Variants in AGTPBP1 observed in about 807,000 individuals in gnomAD.
The protein encoded by AGTPBP1 is cytosolic carboxypeptidase 1.
A neutral mutation model predicts 143.9 loss-of-function variants in AGTPBP1; 70 were observed. The observed-to-expected ratio is 0.49, with a 90% CI of 0.40 to 0.59. AGTPBP1 has a LOEUF of 0.59. Ranked by LOEUF, AGTPBP1 falls within the 20% of genes least tolerant of loss-of-function variation. The pLI is 0.00. For missense variants in AGTPBP1, 1,229 were observed against 1,464.5 expected, an observed-to-expected ratio of 0.84 and a Z score of 2.62; for synonymous variants, 463 against 500.2, an observed-to-expected ratio of 0.93 and a Z score of 0.99.
At chr9:85,618,351 A>G (rs1830715005) in intron 17 of AGTPBP1, among the ~76,000 whole-genome samples, 1 of 152,198 alleles carries the variant, frequency 6.6e-6, no homozygotes, top group Non-Finnish European at 1.5e-5. Flanking sequence ...CCAATGCTAC[A>G]CAAGTGCTTC....
At position 85,733,813 on chromosome 9, in the gene AGTPBP1, G is replaced by A. The variant is rs113439414; in HGVS notation, c.-34+7962C>T. 3.9e-4 allele frequency among the ~76,000 whole-genome samples: 60 copies of A among 152,156 alleles called. 1 individual carries two copies. Among genetic ancestry groups the A allele is most frequent in the African/African-American group, 1.3e-3 (53 of 41,452 alleles). ...CAAAACCAAAAAGGATTATAACAGA[G>A]TACTGTGAACAACAGTACACCAACA... On this transcript the variant is annotated intron_variant, in intron 1 of 25. Transcript: ENST00000357081.
At chr9:85,578,818 A>G in intron 24 of AGTPBP1, 102 bp downstream of exon 24, 1 of 1,206,632 alleles carries the variant, frequency 8.3e-7, no homozygotes, top group Non-Finnish European at 1.2e-6. Flanking sequence ...ATGTAACTCA[A>G]TAAAACAAAC....
intron 25 of AGTPBP1, among the ~76,000 whole-genome samples, chr9:85,556,370 G>A (rs892314834): frequency 1.3e-5 from 2 of 151,934 alleles, no homozygotes; most frequent in Non-Finnish European, 2.9e-5. Flanking sequence ...CTTATAGAGA[G>A]ACAAAATTGG....
intron 13 of AGTPBP1, among the ~76,000 whole-genome samples, chr9:85,639,468 A>G (rs1478303181): frequency 6.6e-6 from 1 of 152,120 alleles, no homozygotes; most frequent in Non-Finnish European, 1.5e-5. Context: ...AAGAAAATAA[A>G]AAAGAATGAA....
chr9:85,703,956 T>C (rs188319418), intron 2 of AGTPBP1, among the ~76,000 whole-genome samples: 196 of 152,204 alleles, frequency 1.3e-3, no homozygotes, highest in African/African-American at 4.5e-3. Flanking sequence ...AAGTTTCAAA[T>C]AGGAGGGACA....
At chr9:85,659,304 G>A (rs532875653) in intron 9 of AGTPBP1, among the ~76,000 whole-genome samples, 1 of 152,128 alleles carries the variant, frequency 6.6e-6, no homozygotes, top group South Asian at 2.1e-4. Flanking sequence ...TCCTTTTAAA[G>A]AAAATGATTG....
At chr9:85,617,416 A>G (rs1830657565) in intron 17 of AGTPBP1, among the ~76,000 whole-genome samples, 1 of 152,300 alleles carries the variant, frequency 6.6e-6, no homozygotes, top group African/African-American at 2.4e-5. Flanking sequence ...GATTGCCATT[A>G]TAACATTAAT....
chr9:85,792,466 T>C, the AGTPBP1 span, among the ~76,000 whole-genome samples: 1 of 152,218 alleles, frequency 6.6e-6, no homozygotes, highest in Non-Finnish European at 1.5e-5. Context: ...TCTGAATTGT[T>C]CCATTCAAGG....
the AGTPBP1 span, among the ~76,000 whole-genome samples, chr9:85,794,375 C>T: frequency 1.0e-3 from 158 of 152,200 alleles, no homozygotes; most frequent in African/African-American, 3.6e-3. Flanking sequence ...CATTATTTTG[C>T]ATGCAGATAT....
At chr9:85,714,233 G>A (rs948170893) in intron 1 of AGTPBP1, among the ~76,000 whole-genome samples, 9 of 152,216 alleles carry the variant, frequency 5.9e-5, no homozygotes, top group Admixed American at 3.3e-4. Context: ...GTCCTCTGGC[G>A]TTACCAAAGT....
chr9:85,752,738 G>A, the AGTPBP1 span, among the ~76,000 whole-genome samples: 1 of 152,166 alleles, frequency 6.6e-6, no homozygotes, highest in Non-Finnish European at 1.5e-5. Flanking sequence ...TGAGCATGGT[G>A]ACTTATGCCT....
chr9:85,693,270 T>G (rs1836000503), intron 2 of AGTPBP1, among the ~76,000 whole-genome samples: 1 of 152,106 alleles, frequency 6.6e-6, no homozygotes, highest in South Asian at 2.1e-4. Context: ...ATCCTCCACC[T>G]ATGTTCTTTC....
the AGTPBP1 span, among the ~76,000 whole-genome samples, chr9:85,759,933 G>A: frequency 6.6e-6 from 1 of 151,796 alleles, no homozygotes; most frequent in African/African-American, 2.4e-5. Flanking sequence ...ATGATAAAGG[G>A]GATATCACCA....
At chr9:85,616,447 A>C (rs1032266057) in intron 17 of AGTPBP1, among the ~76,000 whole-genome samples, 3 of 152,022 alleles carry the variant, frequency 2.0e-5, no homozygotes, top group African/African-American at 7.2e-5. Flanking sequence ...TCCAAAATGT[A>C]TACTTTTAAT....
intron 1 of AGTPBP1, among the ~76,000 whole-genome samples, chr9:85,720,294 ATTT>A (rs1168146588): frequency 6.6e-6 from 1 of 151,850 alleles, no homozygotes; most frequent in Non-Finnish European, 1.5e-5. Flanking sequence ...CTGGTCCCGG[ATTT>A]TTTTTAGTTG....
chr9:85,737,790 C>T lies in AGTPBP1; in HGVS notation c.-34+3985G>A, dbSNP rs541282578. Among the ~76,000 whole-genome samples, 6 of 152,270 alleles carry T rather than the reference C, an allele frequency of 3.9e-5. No homozygotes were observed. In the East Asian group the frequency reaches 5.8e-4, roughly 15 times the overall value. The stretch of plus-strand genomic sequence containing the variant: ...CGGCATCTAACCTTTAAGAAATTGC[C>T]ACTTACTGAGTTTTAATATAATACC... On this transcript the variant is annotated intron_variant, in intron 1 of 25. Transcript: ENST00000357081.
At chr9:85,752,696 A>G in the AGTPBP1 span, among the ~76,000 whole-genome samples, 1 of 152,196 alleles carries the variant, frequency 6.6e-6, no homozygotes. Flanking sequence ...ACGAATATGT[A>G]CAATTATTAT....
intron 25 of AGTPBP1, among the ~76,000 whole-genome samples, chr9:85,566,427 G>A (rs915724052): frequency 1.3e-5 from 2 of 151,332 alleles, no homozygotes; most frequent in African/African-American, 4.9e-5. Context: ...CTACTTAGGA[G>A]GCCGAGATGG....
At chr9:85,584,669 T>C (rs1828491764) in intron 23 of AGTPBP1, among the ~76,000 whole-genome samples, 1 of 152,102 alleles carries the variant, frequency 6.6e-6, no homozygotes, top group African/African-American at 2.4e-5. Context: ...TTGTAGAAAT[T>C]TTTTCTGAAA....
Sources: allele counts gnomAD v4.1 joint callset (sites outside exome capture counted in the v4.1 genomes callset), GRCh38; gene constraint gnomAD v4.1.1; transcripts MANE v1.5; gene names NCBI Gene and HGNC (gene_info 2026-07-23, HGNC 2026-07-21).